Variants in SLX4IP observed in about 807,000 individuals in gnomAD.
SLX4IP encodes SLX4 interacting protein, also known as protein SLX4IP.
Under a neutral mutation model 32.9 loss-of-function variants are expected in SLX4IP, and 34 were observed. That is an observed-to-expected ratio of 1.03 (90% confidence interval 0.79 to 1.38). The LOEUF is 1.38. SLX4IP is among the 40% of genes most tolerant of loss of function. The pLI is 0.00. For synonymous variants in SLX4IP, 172 were observed against 171.7 expected (o/e 1.00, Z -0.01); for missense variants, 444 against 479.0 (o/e 0.93, Z 0.68).
chr20:10,566,346 A>G (rs899212895), intron 4 of SLX4IP, among the ~76,000 whole-genome samples: 1 of 129,016 alleles, frequency 7.8e-6, no homozygotes, highest in Non-Finnish European at 1.5e-5. Flanking sequence ...TCATCTCATC[A>G]TGAGCCAGCA....
Position 10,556,254 on chromosome 20 carries a change from G to T in SLX4IP, c.51G>T (p.Val17=). The T allele has an allele frequency of 6.2e-7, 1 of 1,613,562 alleles. No individual in the cohort carries two copies. Among genetic ancestry groups the T allele is most frequent in the South Asian group, 1.1e-5 (1 of 90,924 alleles). ...AGTGTGGGAATTTTGCTGTCCTCGT[G>T]GATCTTCATATCTTGCCACAAGGTT... ...AVKCGNFAVL[V]DLHILPQGSN... is the part of the protein sequence containing the mutation. The change falls in exon 3 of 8, where the codon GTG becomes GTT. Residue 17 remains valine (V), a synonymous_variant. Transcript: ENST00000334534.
intron 4 of SLX4IP, among the ~76,000 whole-genome samples, chr20:10,589,413 G>C (rs2066680992): frequency 6.6e-6 from 1 of 152,114 alleles, no homozygotes; most frequent in African/African-American, 2.4e-5. Context: ...ATAACTTCAA[G>C]TACTCCTGAT....
At chr20:10,616,595 G>A (rs1366628966) in intron 6 of SLX4IP, among the ~76,000 whole-genome samples, 2 of 151,588 alleles carry the variant, frequency 1.3e-5, no homozygotes, top group East Asian at 2.0e-4. Context: ...CCTGGTTTAC[G>A]CTCCAGTTTC....
intron 2 of SLX4IP, among the ~76,000 whole-genome samples, chr20:10,507,863 T>C (rs182848490): frequency 6.6e-6 from 1 of 151,688 alleles, no homozygotes; most frequent in East Asian, 1.9e-4. Context: ...TCTCTGTGAA[T>C]ACTTAAAAGG....
chr20:10,543,809 G>A (rs938184442), intron 2 of SLX4IP, among the ~76,000 whole-genome samples: 50 of 152,338 alleles, frequency 3.3e-4, no homozygotes, highest in African/African-American at 1.2e-3. Context: ...AGGATGTCAT[G>A]AGGAACTTCA....
intron 1 of SLX4IP, 116 bp from the exon 2 acceptor site, chr20:10,458,060 A>C: frequency 1.2e-5 from 6 of 520,210 alleles, no homozygotes; most frequent in Non-Finnish European, 1.3e-5. Context: ...ATAAGTGAAC[A>C]TTCATCTCAT....
intron 2 of SLX4IP, among the ~76,000 whole-genome samples, chr20:10,459,405 G>T (rs1019393148): frequency 6.6e-6 from 1 of 152,102 alleles, no homozygotes; most frequent in Admixed American, 6.6e-5. Flanking sequence ...TGTTGCAATT[G>T]CTTTTGGTGT....
At chr20:10,614,471 G>A (rs777466881) in intron 6 of SLX4IP, among the ~76,000 whole-genome samples, 2 of 152,180 alleles carry the variant, frequency 1.3e-5, no homozygotes, top group Non-Finnish European at 2.9e-5. Flanking sequence ...TGGTCAGGAT[G>A]AGCTGGGATT....
chr20:10,608,458 G>A (rs2066929452), intron 6 of SLX4IP, among the ~76,000 whole-genome samples: 1 of 151,932 alleles, frequency 6.6e-6, no homozygotes, highest in Admixed American at 6.6e-5. Flanking sequence ...GAGGTCAGGA[G>A]ATCGAGACCA....
intron 2 of SLX4IP, among the ~76,000 whole-genome samples, chr20:10,544,956 C>G (rs558958490): frequency 6.6e-6 from 1 of 152,188 alleles, no homozygotes; most frequent in East Asian, 1.9e-4. Context: ...GGCTCTTAAA[C>G]TTCAGCATAT....
intron 2 of SLX4IP, among the ~76,000 whole-genome samples, chr20:10,542,161 A>G (rs1467378074): frequency 6.6e-6 from 1 of 152,240 alleles, no homozygotes; most frequent in Non-Finnish European, 1.5e-5. Context: ...CCAGTGGCCT[A>G]TGATAACAGT....
chr20:10,491,001 A>G (rs1385915264), intron 2 of SLX4IP, among the ~76,000 whole-genome samples: 3 of 151,950 alleles, frequency 2.0e-5, no homozygotes, highest in South Asian at 4.2e-4. Context: ...TCTCTTCCCC[A>G]TTCAGGATAG....
At chr20:10,572,483 C>T (rs1222091962) in intron 4 of SLX4IP, among the ~76,000 whole-genome samples, 2 of 152,046 alleles carry the variant, frequency 1.3e-5, no homozygotes, top group African/African-American at 4.8e-5. Flanking sequence ...AAATAGACCC[C>T]CAAACAGAGC....
intron 2 of SLX4IP, among the ~76,000 whole-genome samples, chr20:10,487,506 CAGTT>C (rs1460502182): frequency 9.2e-5 from 14 of 152,278 alleles, no homozygotes; most frequent in Admixed American, 4.6e-4. Context: ...ACTGTTCTAA[CAGTT>C]AGGTTGCTGC....
At chr20:10,579,705 C>T (rs186161248) in intron 4 of SLX4IP, among the ~76,000 whole-genome samples, 451 of 152,270 alleles carry the variant, frequency 3.0e-3, no homozygotes, top group African/African-American at 5.2e-3. Flanking sequence ...GGATTACAGG[C>T]GTGAGCCACC....
intron 6 of SLX4IP, among the ~76,000 whole-genome samples, chr20:10,609,428 G>A (rs987124337): frequency 3.9e-5 from 6 of 152,216 alleles, no homozygotes; most frequent in Admixed American, 3.3e-4. Context: ...GGAGGCCTTA[G>A]TATCTGTATC....
intron 2 of SLX4IP, among the ~76,000 whole-genome samples, chr20:10,491,721 A>G (rs2065625732): frequency 1.3e-5 from 2 of 152,210 alleles, no homozygotes; most frequent in African/African-American, 4.8e-5. Flanking sequence ...ACTATGAGGC[A>G]TAATTATTTC....
intron 2 of SLX4IP, among the ~76,000 whole-genome samples, chr20:10,487,210 C>T (rs187182592): frequency 2.0e-5 from 3 of 152,294 alleles, no homozygotes; most frequent in Admixed American, 6.5e-5. Flanking sequence ...ACTTTTGGAA[C>T]TGTGATACTT....
At chr20:10,542,248 C>G (rs911707757) in intron 2 of SLX4IP, among the ~76,000 whole-genome samples, 3 of 152,114 alleles carry the variant, frequency 2.0e-5, no homozygotes, top group Non-Finnish European at 4.4e-5. Context: ...GTGGCCAGTG[C>G]ACACCCCCTG....
Sources: allele counts gnomAD v4.1 joint callset (sites outside exome capture counted in the v4.1 genomes callset), GRCh38; gene constraint gnomAD v4.1.1; transcripts MANE v1.5; gene names NCBI Gene and HGNC (gene_info 2026-07-23, HGNC 2026-07-21).